Variants in PDE1C observed in about 807,000 individuals in gnomAD.
The protein encoded by PDE1C is dual specificity calcium/calmodulin-dependent 3',5'-cyclic nucleotide phosphodiesterase 1C.
In PDE1C, 62 loss-of-function variants were observed where a neutral mutation model predicts 93.1. The ratio of observed to expected loss-of-function variants is 0.67; its 90% CI spans 0.54 to 0.82. The LOEUF (loss-of-function observed/expected upper bound fraction) is 0.82. PDE1C is among the 40% of genes least tolerant of loss of function. The probability of loss-of-function intolerance (pLI) is 0.00; values close to 1 mark genes in which losing one functional copy is unlikely to be tolerated. For missense variants in PDE1C, 742 were observed against 884.6 expected, an observed-to-expected ratio of 0.84 and a Z score of 2.04; for synonymous variants, 325 against 310.1, an observed-to-expected ratio of 1.05 and a Z score of -0.50.
intron 1 of PDE1C, among the ~76,000 whole-genome samples, chr7:32,342,056 A>T (rs1783767654): frequency 1.9e-5 from 1 of 52,674 alleles, no homozygotes; most frequent in African/African-American, 7.0e-5. Flanking sequence ...TATATGTAAT[A>T]ATTTATATAT....
At chr7:32,097,369 G>T (rs546856831) in intron 3 of PDE1C, among the ~76,000 whole-genome samples, 8 of 152,306 alleles carry the variant, frequency 5.3e-5, no homozygotes, top group Non-Finnish European at 1.5e-5. Context: ...ATTTGGGGCT[G>T]TCAGAAGACC....
At chr7:32,056,965 T>C (rs1045788948) in intron 1 of PDE1C, among the ~76,000 whole-genome samples, 1 of 152,126 alleles carries the variant, frequency 6.6e-6, no homozygotes, top group Non-Finnish European at 1.5e-5. Flanking sequence ...GCCGTGTGCC[T>C]GCCTGTACAC....
chr7:32,378,210 T>C (rs927132829), intron 1 of PDE1C, among the ~76,000 whole-genome samples: 2 of 152,142 alleles, frequency 1.3e-5, no homozygotes, highest in Non-Finnish European at 2.9e-5. Context: ...GATGCAGAGA[T>C]CTGACCACTC....
intron 1 of PDE1C, among the ~76,000 whole-genome samples, chr7:32,227,138 G>A (rs1039661018): frequency 1.3e-5 from 2 of 152,150 alleles, no homozygotes; most frequent in Non-Finnish European, 2.9e-5. Flanking sequence ...TCTGGGCTAC[G>A]ACCGGGAACC....
chr7:32,396,319 A>G (rs776815730), intron 1 of PDE1C, among the ~76,000 whole-genome samples: 11 of 152,006 alleles, frequency 7.2e-5, no homozygotes, highest in Non-Finnish European at 1.3e-4. Flanking sequence ...TCTCTATAAA[A>G]ATACAAAAAT....
intron 1 of PDE1C, among the ~76,000 whole-genome samples, chr7:32,065,222 T>C (rs1795262045): frequency 1.3e-5 from 2 of 152,192 alleles, no homozygotes; most frequent in Non-Finnish European, 2.9e-5. Flanking sequence ...CATATCTCAG[T>C]TAAGTGCAAG....
At chr7:32,010,554 T>C (rs930159403) in intron 2 of PDE1C, among the ~76,000 whole-genome samples, 1 of 152,016 alleles carries the variant, frequency 6.6e-6, no homozygotes, top group Non-Finnish European at 1.5e-5. Context: ...CAAAAGAAAA[T>C]GTAGGAGAAA....
chr7:32,323,369 T>A (rs1047793204), intron 1 of PDE1C, among the ~76,000 whole-genome samples: 3 of 152,162 alleles, frequency 2.0e-5, no homozygotes, highest in African/African-American at 7.2e-5. Context: ...ATTGTATGTC[T>A]TGAGACATAC....
chr7:31,732,677 T>TGTGTGTGA, the PDE1C span, among the ~76,000 whole-genome samples: 3 of 144,276 alleles, frequency 2.1e-5, no homozygotes, highest in African/African-American at 7.6e-5. Flanking sequence ...TGTGTGTGTG[T>TGTGTGTGA]GACTGGTCTG....
chr7:31,775,652 C>A lies in PDE1C; in HGVS notation c.1960+12G>T. The A allele has an allele frequency of 6.2e-7, 1 of 1,610,334 alleles. No homozygotes were observed. Among genetic ancestry groups the A allele is most frequent in the Non-Finnish European group, 8.5e-7 (1 of 1,177,656 alleles). On this transcript the variant is annotated intron_variant, in intron 17 of 17. Transcript: ENST00000396191. ...TGGTCACTAAGATAATGGTGCAATG[C>A]TGTTTACCCACCTGGCAACGTAAGG... is the stretch of plus-strand genomic sequence containing the variant.
At chr7:32,312,516 C>A (rs1370090706) in intron 1 of PDE1C, among the ~76,000 whole-genome samples, 1 of 151,688 alleles carries the variant, frequency 6.6e-6, no homozygotes, top group African/African-American at 2.4e-5. Context: ...TACTACAAGG[C>A]TACAGTAACC....
chr7:31,756,211 A>G (rs1329004857), intron 17 of PDE1C, among the ~76,000 whole-genome samples: 4 of 152,180 alleles, frequency 2.6e-5, no homozygotes, highest in African/African-American at 7.2e-5. Context: ...GTAACTTTAT[A>G]TAGAGAAATC....
intron 1 of PDE1C, among the ~76,000 whole-genome samples, chr7:32,055,528 A>G (rs1322381197): frequency 6.6e-6 from 1 of 152,206 alleles, no homozygotes; most frequent in Non-Finnish European, 1.5e-5. Context: ...AGAAGGCAAA[A>G]GATTCCACCA....
At chr7:32,364,961 T>C (rs928983931) in intron 1 of PDE1C, among the ~76,000 whole-genome samples, 8 of 152,226 alleles carry the variant, frequency 5.3e-5, no homozygotes, top group African/African-American at 1.7e-4. Flanking sequence ...CTGCCCTTGA[T>C]CTGGCTAAAC....
chr7:31,775,041 A>G (rs1390819131), intron 17 of PDE1C, among the ~76,000 whole-genome samples: 1 of 152,222 alleles, frequency 6.6e-6, no homozygotes, highest in Non-Finnish European at 1.5e-5. Context: ...AGAATGATCA[A>G]TAAGTGCCCC....
Position 31,847,962 on chromosome 7 carries a change from C to G in PDE1C, c.980+6G>C. On this transcript the variant is annotated splice_donor_region_variant and intron_variant, in intron 9 of 17. Transcript: ENST00000396191. ...CCTACAAATCTCTCTCTTTTCTCAT[C>G]CTTACCTCCAGTCATCCTTTGAGAG... The G allele has an allele frequency of 6.2e-7, 1 of 1,612,314 alleles. No individual in the cohort carries two copies.
chr7:32,238,624 G>C (rs1808314768), intron 1 of PDE1C, among the ~76,000 whole-genome samples: 1 of 152,268 alleles, frequency 6.6e-6, no homozygotes, highest in Non-Finnish European at 1.5e-5. Flanking sequence ...TGGGAGGAAG[G>C]ATAATGTTCA....
Position 31,828,972 on chromosome 7 carries a change from A to C in PDE1C, c.1204-599T>G, listed in dbSNP as rs193236976. Among the ~76,000 whole-genome samples the C allele has an allele frequency of 5.8e-4, 88 of 152,312 alleles. 4 individuals are homozygous for C. The highest frequency in any genetic ancestry group is 2.1e-3 in the African/African-American group (87 of 41,588). On this transcript the variant is annotated intron_variant, in intron 11 of 17. Transcript: ENST00000396191. ...ACAATAAAACACAATTGTCTAACCA[A>C]TATATTCTCAATCTCACCAAAAAGC...
chr7:31,983,929 G>A (rs1229103701), intron 2 of PDE1C, among the ~76,000 whole-genome samples: 1 of 152,158 alleles, frequency 6.6e-6, no homozygotes, highest in Non-Finnish European at 1.5e-5. Context: ...GCAGAGTGAA[G>A]GAGAGATGTG....
Sources: allele counts gnomAD v4.1 joint callset (sites outside exome capture counted in the v4.1 genomes callset), GRCh38; gene constraint gnomAD v4.1.1; transcripts MANE v1.5; gene names NCBI Gene and HGNC (gene_info 2026-07-23, HGNC 2026-07-21).